The following SPTBN1 variants were observed in gnomAD, a reference collection of about 807,000 sequenced individuals.
SPTBN1 encodes spectrin beta, non-erythrocytic 1.
SPTBN1 carries 32 observed loss-of-function variants against 266.4 expected under a neutral mutation model. The ratio of observed to expected loss-of-function variants is 0.12; its 90% confidence interval spans 0.09 to 0.16. The LOEUF is 0.16. Ranked by LOEUF, SPTBN1 falls within the 10% of genes least tolerant of loss-of-function variation. The pLI is 1.00. For missense variants in SPTBN1, 2,296 were observed against 3,067.1 expected (o/e 0.75, Z 5.94); for synonymous variants, 1,336 against 1,162.2 (o/e 1.15, Z -3.04).
rs1218137856 is a variant in SPTBN1 at position 54,626,420 on chromosome 2, G to GT, written c.1644+187dup. Among the ~76,000 whole-genome samples the GT allele has an allele frequency of 2.6e-5, 4 of 152,218 alleles. No individual in the cohort carries two copies. The highest frequency in any genetic ancestry group is 6.5e-5 in the Admixed American group (1 of 15,286). ...TCAGGAATTAAATGAGACGTGAAGTGTGAAAAAGTTGTAGAGACCAGTTCA... is the reference window on the plus strand; with the variant it reads ...TCAGGAATTAAATGAGACGTGAAGTGTTGAAAAAGTTGTAGAGACCAGTTCA... On this transcript the variant is annotated intron_variant, in intron 12 of 35. Coordinates refer to ENST00000356805, the MANE Select transcript of SPTBN1 (RefSeq NM_003128.3). This position sits in a 1 kb window ranked among gnomAD's most constrained non-coding sequence, Gnocchi z 4.7.
In SPTBN1 at chr2:54,657,526, A is replaced by T. The variant is rs573910038; in HGVS notation, c.6047-324A>T. 5.9e-5 allele frequency among the ~76,000 whole-genome samples: 9 copies of T among 152,374 alleles called. No homozygotes were observed. In the East Asian group the frequency reaches 1.7e-3, roughly 29 times the overall value. Reference sequence around the variant, plus strand: ...TAAAATGCACATCAGATTTAGATTTAGAAGAAAAAAGATTGTAACAGATCT... The same window carrying T: ...TAAAATGCACATCAGATTTAGATTTTGAAGAAAAAAGATTGTAACAGATCT... On this transcript the variant is annotated intron_variant, in intron 29 of 35. Coordinates refer to ENST00000356805, the MANE Select transcript of SPTBN1 (RefSeq NM_003128.3).
chr2:54,647,404 A>C, intron 24 of SPTBN1, 143 bp downstream of exon 24: 1 of 1,148,032 alleles, frequency 8.7e-7, no homozygotes, highest in Non-Finnish European at 1.2e-6. Context: ...TTTAAAACAG[A>C]CCCATCATTT....
intron 2 of SPTBN1, chr2:54,557,617 T>A (rs1672962375): frequency 6.0e-6 from 4 of 671,762 alleles, no homozygotes; most frequent in Non-Finnish European, 5.5e-6. Flanking sequence ...TTCCCTCATC[T>A]CCCCTCCGGA....
intron 1 of SPTBN1, among the ~76,000 whole-genome samples, chr2:54,495,990 C>T (rs936601374): frequency 3.3e-5 from 5 of 152,016 alleles, no homozygotes; most frequent in Admixed American, 1.3e-4. Context: ...GGAGGATGGT[C>T]CCCTTCTAGA....
intron 18 of SPTBN1, among the ~76,000 whole-genome samples, chr2:54,641,660 AC>A (rs1464892205): frequency 6.6e-6 from 1 of 151,114 alleles, no homozygotes; most frequent in South Asian, 2.1e-4. Context: ...TTTGCTTTTA[AC>A]CCCCTCCCAC....
At chr2:54,569,678 C>T (rs1673920768) in intron 2 of SPTBN1, among the ~76,000 whole-genome samples, 1 of 152,200 alleles carries the variant, frequency 6.6e-6, no homozygotes, top group African/African-American at 2.4e-5. Context: ...TGAGAGCCTG[C>T]TTCTCATCTA....
intron 1 of SPTBN1, among the ~76,000 whole-genome samples, chr2:54,472,611 AG>A (rs1491464071): frequency 6.8e-6 from 1 of 146,662 alleles, no homozygotes; most frequent in South Asian, 2.1e-4. Context: ...TGGTAAAAAC[AG>A]GGGGGGTTGG....
chr2:54,571,411 C>T (rs1674056658), intron 2 of SPTBN1, among the ~76,000 whole-genome samples: 1 of 152,134 alleles, frequency 6.6e-6, no homozygotes, highest in Non-Finnish European at 1.5e-5. Context: ...GACGAGTTCA[C>T]CGTTTGCCAG....
chr2:54,480,031 G>C (rs1406050032), intron 1 of SPTBN1, among the ~76,000 whole-genome samples: 1 of 152,018 alleles, frequency 6.6e-6, no homozygotes, highest in African/African-American at 2.4e-5. Context: ...AAACTTAATT[G>C]CTTGCTTTAT....
intron 17 of SPTBN1, among the ~76,000 whole-genome samples, chr2:54,637,113 G>A (rs1679202721): frequency 6.6e-6 from 1 of 152,132 alleles, no homozygotes; most frequent in South Asian, 2.1e-4. Context: ...GTTCTTACAA[G>A]TTATTTATTT....
intron 7 of SPTBN1, among the ~76,000 whole-genome samples, chr2:54,620,630 C>T (rs550681410): frequency 6.6e-6 from 1 of 152,196 alleles, no homozygotes; most frequent in African/African-American, 2.4e-5. Context: ...GCCTGGGTGA[C>T]AGAGTGAGAC....
intron 2 of SPTBN1, among the ~76,000 whole-genome samples, chr2:54,591,416 A>G (rs1409469828): frequency 6.6e-6 from 1 of 152,210 alleles, no homozygotes; most frequent in Non-Finnish European, 1.5e-5. Flanking sequence ...CAAAAACTAC[A>G]TGATTGCTGT....
At position 54,526,460 on chromosome 2, in the gene SPTBN1, C is replaced by A. The variant is rs565299322; in HGVS notation, c.42C>A (p.Ile14=). Residue 14 remains isoleucine, a synonymous_variant, in exon 2 of 36, where the codon ATC becomes ATA. Coordinates refer to ENST00000356805, the MANE Select transcript of SPTBN1 (RefSeq NM_003128.3). The part of the protein sequence containing the change: ...TVATDYDNIE[I]QQQYSDVNNR... Reference sequence around the variant, plus strand: ...CCACAGACTATGACAACATTGAGATCCAGCAGCAGTACAGTGATGTCAACA... The same window carrying A: ...CCACAGACTATGACAACATTGAGATACAGCAGCAGTACAGTGATGTCAACA... 5 of 1,614,202 alleles carry A rather than the reference C, an allele frequency of 3.1e-6. No individual in the cohort carries two copies. The East Asian group carries it at 8.9e-5, about 29-fold the overall frequency.
intron 1 of SPTBN1, among the ~76,000 whole-genome samples, chr2:54,477,027 A>G (rs1270932080): frequency 1.4e-5 from 2 of 142,848 alleles, no homozygotes; most frequent in Non-Finnish European, 3.0e-5. Flanking sequence ...TTTTTTTTTT[A>G]TTGGCTTCAG....
intron 32 of SPTBN1, chr2:54,660,238 C>T: frequency 7.2e-7 from 1 of 1,385,088 alleles, no homozygotes; most frequent in Non-Finnish European, 9.4e-7. Flanking sequence ...GTTTGAGTCT[C>T]TTAACTGATG....
chr2:54,506,709 T>C (rs1199454822), intron 1 of SPTBN1, among the ~76,000 whole-genome samples: 6 of 152,184 alleles, frequency 3.9e-5, no homozygotes, highest in Non-Finnish European at 7.3e-5. Flanking sequence ...GAGTACAGTA[T>C]ACTTTCAGGC....
intron 23 of SPTBN1, 130 bp from the exon 24 acceptor site, chr2:54,647,001 G>A (rs964306726): frequency 1.4e-5 from 19 of 1,347,846 alleles, no homozygotes; most frequent in Admixed American, 3.9e-5. Flanking sequence ...TCCACTGTCC[G>A]TACTGCACCT....
chr2:54,584,406 T>C (rs543222075), intron 2 of SPTBN1, among the ~76,000 whole-genome samples: 2 of 152,262 alleles, frequency 1.3e-5, no homozygotes, highest in African/African-American at 4.8e-5. Flanking sequence ...AGAAAACAAA[T>C]ATCTATAGAT....
In SPTBN1 at chr2:54,643,046, A is replaced by G. The variant is rs1160057343; in HGVS notation, c.3922A>G (p.Asn1308Asp). The change falls in exon 19 of 36, where the codon AAT becomes GAT. Residue 1308 changes from asparagine to aspartate, a missense_variant. This residue lies in a region of SPTBN1 where 386 missense variants were observed against 486.1 expected (regional missense o/e 0.79). Transcript: ENST00000356805. ...AQDMSYDEAR[N>D]LHSKWLKHQA... Reference sequence around the variant, plus strand: ...GGACATGTCTTACGATGAAGCCAGAAATCTGCACAGTAAATGGTTGAAGCA... The same window carrying G: ...GGACATGTCTTACGATGAAGCCAGAGATCTGCACAGTAAATGGTTGAAGCA... 1 of 1,614,126 alleles carries G rather than the reference A, an allele frequency of 6.2e-7. No individual in the cohort carries two copies.
Sources: allele counts gnomAD v4.1 joint callset (sites outside exome capture counted in the v4.1 genomes callset), GRCh38; gene constraint gnomAD v4.1.1; regional missense constraint gnomAD v4.1.1; non-coding constraint Gnocchi (gnomAD v3.1); transcripts MANE v1.5; gene names NCBI Gene and HGNC (gene_info 2026-07-23, HGNC 2026-07-21).